The following NTM variants were observed in gnomAD, a reference collection of about 807,000 sequenced individuals.
NTM encodes IgLON family member 2.
A neutral mutation model predicts 42.1 loss-of-function variants in NTM; 13 were observed. The observed-to-expected ratio is 0.31, with a 90% CI of 0.20 to 0.49. The LOEUF (loss-of-function observed/expected upper bound fraction) is 0.49, where lower values mean the gene tolerates loss of function less well. Ranked by LOEUF, NTM falls within the 20% of genes least tolerant of loss-of-function variation. The pLI is 0.99. For missense variants in NTM, 373 were observed against 452.8 expected (o/e 0.82, Z 1.60); for synonymous variants, 187 against 179.2 (o/e 1.04, Z -0.35).
At chr11:131,603,406 C>G (rs1235167497) in intron 1 of NTM, among the ~76,000 whole-genome samples, 2 of 152,046 alleles carry the variant, frequency 1.3e-5, no homozygotes, top group African/African-American at 4.8e-5. Flanking sequence ...CTAATAAGCT[C>G]TCAAGTGATG....
chr11:131,781,504 T>C (rs1419977628), intron 1 of NTM, among the ~76,000 whole-genome samples: 1 of 152,182 alleles, frequency 6.6e-6, no homozygotes, highest in Admixed American at 6.5e-5. Flanking sequence ...ATATGCTATA[T>C]ACTAATTTAT....
chr11:131,496,297 A>T (rs318967), intron 1 of NTM, among the ~76,000 whole-genome samples: 1,967 of 152,188 alleles, frequency 0.013, 20 homozygotes, highest in Non-Finnish European at 0.019. Flanking sequence ...GGTCCTGCGG[A>T]CAGTCAGCTG....
intron 1 of NTM, among the ~76,000 whole-genome samples, chr11:131,691,637 A>G (rs2074747879): frequency 6.6e-6 from 1 of 151,890 alleles, no homozygotes; most frequent in Admixed American, 6.5e-5. Flanking sequence ...GCTGAATATA[A>G]ACCCCACAGC....
Position 131,545,341 on chromosome 11 carries a change from T to C in NTM, c.82+174453T>C, listed in dbSNP as rs924193908. 2.6e-5 allele frequency among the ~76,000 whole-genome samples: 4 copies of C among 152,326 alleles called. No individual in the cohort carries two copies. The East Asian group carries it at 7.7e-4, about 29-fold the overall frequency. Reference sequence around the variant, plus strand: ...TGTCTCCTTTTCTGTGTATTAGCTTTTCCTCCATTTTTTTCTCCTTGATGA... The same window carrying C: ...TGTCTCCTTTTCTGTGTATTAGCTTCTCCTCCATTTTTTTCTCCTTGATGA... On this transcript the variant is annotated intron_variant, in intron 1 of 8. Coordinates refer to ENST00000683400, the MANE Select transcript of NTM (RefSeq NM_001352005.2).
At chr11:131,866,096 C>T (rs560223993) in intron 1 of NTM, among the ~76,000 whole-genome samples, 2 of 146,426 alleles carry the variant, frequency 1.4e-5, no homozygotes, top group East Asian at 2.0e-4. Flanking sequence ...GCTACATGCA[C>T]ACACACACAC....
chr11:131,545,463 C>T (rs2053805041), intron 1 of NTM, among the ~76,000 whole-genome samples: 1 of 152,128 alleles, frequency 6.6e-6, no homozygotes, highest in Middle Eastern at 3.4e-3. Context: ...TCATTAAATG[C>T]ATACATCCAG....
intron 1 of NTM, among the ~76,000 whole-genome samples, chr11:131,508,863 T>C (rs1214543995): frequency 1.4e-5 from 2 of 138,678 alleles, no homozygotes; most frequent in East Asian, 4.4e-4. Context: ...GGAAGGGGAA[T>C]ATCACACTCT....
intron 4 of NTM, among the ~76,000 whole-genome samples, chr11:132,285,925 G>A (rs187060230): frequency 6.6e-6 from 1 of 152,272 alleles, no homozygotes; most frequent in Non-Finnish European, 1.5e-5. Flanking sequence ...TATCCTGGCT[G>A]CATCATGAGA....
At chr11:131,668,529 G>C (rs1034245891) in intron 1 of NTM, among the ~76,000 whole-genome samples, 2 of 152,182 alleles carry the variant, frequency 1.3e-5, no homozygotes, top group African/African-American at 2.4e-5. Flanking sequence ...CCTTTCCCCT[G>C]TTGGATAGGA....
At chr11:132,315,425 A>T (rs758247170) in intron 7 of NTM, among the ~76,000 whole-genome samples, 10 of 152,152 alleles carry the variant, frequency 6.6e-5, no homozygotes, top group Admixed American at 1.3e-4. Context: ...CCATCCCTTG[A>T]TGAACGCAGA....
intron 1 of NTM, among the ~76,000 whole-genome samples, chr11:131,670,666 G>A (rs540523111): frequency 2.4e-4 from 37 of 152,230 alleles, no homozygotes; most frequent in Admixed American, 7.8e-4. Flanking sequence ...CCTGACAGTC[G>A]AGGGCTAGGA....
intron 1 of NTM, among the ~76,000 whole-genome samples, chr11:131,612,603 T>C (rs1433371173): frequency 6.6e-6 from 1 of 152,262 alleles, no homozygotes; most frequent in Non-Finnish European, 1.5e-5. Context: ...ATGTGCTTAT[T>C]GAGTTAAATT....
intron 1 of NTM, among the ~76,000 whole-genome samples, chr11:131,790,965 A>G (rs2090851130): frequency 1.3e-5 from 2 of 152,232 alleles, no homozygotes; most frequent in South Asian, 4.1e-4. Flanking sequence ...AATAACTACT[A>G]CTAATTAATA....
intron 1 of NTM, among the ~76,000 whole-genome samples, chr11:131,515,437 G>A (rs527535095): frequency 5.3e-4 from 81 of 152,290 alleles, no homozygotes; most frequent in African/African-American, 1.8e-3. Context: ...ATCACCTGCA[G>A]CAGCAACTTG....
At chr11:131,911,326 G>A in intron 1 of NTM, 1 of 1,470,696 alleles carries the variant, frequency 6.8e-7, no homozygotes. Context: ...AGACTCGGAG[G>A]AGTCTGCGCG....
intron 1 of NTM, chr11:131,794,493 C>A: frequency 1.1e-6 from 1 of 946,032 alleles, no homozygotes; most frequent in Non-Finnish European, 1.3e-6. Context: ...CTACTTTGTT[C>A]CTTGGGAGTC....
chr11:131,462,378 T>C (rs1012627346), intron 1 of NTM, among the ~76,000 whole-genome samples: 2 of 152,200 alleles, frequency 1.3e-5, no homozygotes, highest in African/African-American at 4.8e-5. Flanking sequence ...AAATGGTGAC[T>C]TTTACTGGAT....
At chr11:132,059,245 C>T (rs758692630) in intron 2 of NTM, among the ~76,000 whole-genome samples, 8 of 152,134 alleles carry the variant, frequency 5.3e-5, no homozygotes, top group Non-Finnish European at 8.8e-5. Context: ...ATGGGATTCA[C>T]GGGCCAGGTG....
chr11:131,874,607 C>G (rs774651193), intron 1 of NTM, among the ~76,000 whole-genome samples: 6 of 152,160 alleles, frequency 3.9e-5, no homozygotes, highest in Admixed American at 6.5e-5. Flanking sequence ...CTTGTGCATT[C>G]TCAGCCAAGG....
Sources: gnomAD v4.1 joint callset for allele counts (sites outside exome capture counted in the v4.1 genomes callset) on GRCh38, gnomAD v4.1.1 for gene constraint, MANE v1.5 for transcripts, NCBI Gene and HGNC (gene_info 2026-07-23, HGNC 2026-07-21) for gene names.